Variants in SLC24A3 observed in about 807,000 individuals in gnomAD.
SLC24A3 encodes sodium/potassium/calcium exchanger 3.
A neutral mutation model predicts 75.8 loss-of-function variants in SLC24A3; 28 were observed. That is an observed-to-expected ratio of 0.37 (90% CI 0.27 to 0.51). The LOEUF is 0.51. Ranked by LOEUF, SLC24A3 falls within the 20% of genes least tolerant of loss-of-function variation. SLC24A3 has a pLI of 0.94. For missense variants in SLC24A3, 663 were observed against 847.8 expected (o/e 0.78, Z 2.71); for synonymous variants, 372 against 334.1 (o/e 1.11, Z -1.24).
chr20:19,436,901 G>T (rs1290153868), intron 2 of SLC24A3, among the ~76,000 whole-genome samples: 3 of 152,210 alleles, frequency 2.0e-5, no homozygotes, highest in Non-Finnish European at 4.4e-5. Context: ...GGGGATTGGG[G>T]TCACATCAGA....
intron 1 of SLC24A3, among the ~76,000 whole-genome samples, chr20:19,262,459 C>T (rs938344471): frequency 6.6e-6 from 1 of 151,180 alleles, no homozygotes; most frequent in African/African-American, 2.4e-5. Context: ...CAGTAGCTCT[C>T]TCTGATAAAG....
intron 8 of SLC24A3, among the ~76,000 whole-genome samples, chr20:19,669,929 C>G (rs866613454): frequency 2.2e-4 from 33 of 151,906 alleles, no homozygotes; most frequent in African/African-American, 8.0e-4. Context: ...AGATCAGCTA[C>G]AGAATGGGAT....
rs1308987495 is a variant in SLC24A3, at chr20:19,685,286, G to A, written c.1249G>A (p.Asp417Asn). ...AGNETENENE[D>N]NENDEEEEED... ...CAACGAAACAGAGAATGAAAATGAG[G>A]ACAATGAGAATGATGAGGAGGAAGA... is the stretch of plus-strand genomic sequence containing the variant. The change falls in exon 12 of 17, where the codon GAC becomes AAC. Residue 417 changes from aspartate to asparagine, a missense_variant. This residue lies in a region of SLC24A3 where 510 missense variants were observed against 703.6 expected (regional missense o/e 0.72). Coordinates refer to ENST00000328041, the MANE Select transcript of SLC24A3 (RefSeq NM_020689.4). The A allele has an allele frequency of 6.2e-7, 1 of 1,614,112 alleles. No homozygotes were observed. Among genetic ancestry groups the A allele is most frequent in the East Asian group, 2.2e-5 (1 of 44,866 alleles).
At chr20:19,441,280 C>T (rs1987294203) in intron 2 of SLC24A3, among the ~76,000 whole-genome samples, 1 of 152,116 alleles carries the variant, frequency 6.6e-6, no homozygotes, top group Admixed American at 6.5e-5. Context: ...CACCTAGGGG[C>T]CGGAAGTAAT....
intron 7 of SLC24A3, among the ~76,000 whole-genome samples, chr20:19,661,679 G>C (rs1332940182): frequency 6.6e-6 from 1 of 152,218 alleles, no homozygotes; most frequent in Non-Finnish European, 1.5e-5. Context: ...TGAAGTCTTA[G>C]CTTCAGCAAT....
At chr20:19,631,317 A>G (rs548457664) in intron 6 of SLC24A3, among the ~76,000 whole-genome samples, 10 of 152,262 alleles carry the variant, frequency 6.6e-5, no homozygotes, top group Non-Finnish European at 1.5e-4. Flanking sequence ...GCTGTGCTCC[A>G]GCCTGGGTGA....
chr20:19,590,229 A>G (rs1477987125), intron 6 of SLC24A3, among the ~76,000 whole-genome samples: 3 of 152,020 alleles, frequency 2.0e-5, no homozygotes, highest in Non-Finnish European at 4.4e-5. Flanking sequence ...AGTTTCTCTT[A>G]TACTCAGATG....
At chr20:19,618,238 T>C (rs2031762032) in intron 6 of SLC24A3, among the ~76,000 whole-genome samples, 1 of 152,206 alleles carries the variant, frequency 6.6e-6, no homozygotes, top group South Asian at 2.1e-4. Flanking sequence ...GTTAGTCTAC[T>C]TGGGCTGCCA....
chr20:19,636,713 C>T (rs1046227538), intron 6 of SLC24A3, among the ~76,000 whole-genome samples: 7 of 152,164 alleles, frequency 4.6e-5, no homozygotes, highest in Non-Finnish European at 8.8e-5. Context: ...GCAAAGAACA[C>T]TCACACTAGC....
chr20:19,574,044 T>G (rs1167462832), intron 3 of SLC24A3, among the ~76,000 whole-genome samples: 2 of 152,212 alleles, frequency 1.3e-5, no homozygotes, highest in Non-Finnish European at 2.9e-5. Flanking sequence ...TCTTAGACCC[T>G]TCCCACCAAG....
chr20:19,469,313 G>A (rs1057131077), intron 2 of SLC24A3, among the ~76,000 whole-genome samples: 2 of 152,132 alleles, frequency 1.3e-5, no homozygotes, highest in Middle Eastern at 3.2e-3. Context: ...ATGGTTTGGT[G>A]GCAGCAGTGG....
At chr20:19,679,501 C>T (rs951376827) in intron 9 of SLC24A3, among the ~76,000 whole-genome samples, 2 of 107,118 alleles carry the variant, frequency 1.9e-5, no homozygotes, top group African/African-American at 6.7e-5. Context: ...TGGAAAGAGA[C>T]GGAGAGGGAG....
intron 6 of SLC24A3, among the ~76,000 whole-genome samples, chr20:19,653,400 A>G (rs2032229368): frequency 6.6e-6 from 1 of 152,244 alleles, no homozygotes; most frequent in African/African-American, 2.4e-5. Context: ...CAATCTTTCA[A>G]AGATTCTGAT....
chr20:19,396,554 T>C (rs1183933792), intron 2 of SLC24A3, among the ~76,000 whole-genome samples: 2 of 152,220 alleles, frequency 1.3e-5, no homozygotes, highest in Non-Finnish European at 2.9e-5. Flanking sequence ...TCAGTGGCTA[T>C]CCTATTGAAT....
At chr20:19,638,637 C>A (rs1568681505) in intron 6 of SLC24A3, among the ~76,000 whole-genome samples, 1 of 152,106 alleles carries the variant, frequency 6.6e-6, no homozygotes, top group Non-Finnish European at 1.5e-5. Context: ...CTCATAAAGA[C>A]CTTGAGAGGG....
At chr20:19,702,600 G>C (rs2032886550) in intron 15 of SLC24A3, among the ~76,000 whole-genome samples, 1 of 145,010 alleles carries the variant, frequency 6.9e-6, no homozygotes, top group South Asian at 2.3e-4. Context: ...CCATCCAAAT[G>C]CTGCTGTTTC....
At chr20:19,649,850 C>A (rs1220617725) in intron 6 of SLC24A3, among the ~76,000 whole-genome samples, 1 of 152,186 alleles carries the variant, frequency 6.6e-6, no homozygotes, top group Non-Finnish European at 1.5e-5. Flanking sequence ...TATTACCAAC[C>A]TGGCTTAGTA....
intron 2 of SLC24A3, among the ~76,000 whole-genome samples, chr20:19,508,678 G>T (rs776624196): frequency 1.3e-5 from 2 of 152,184 alleles, no homozygotes; most frequent in African/African-American, 4.8e-5. Flanking sequence ...GAACAGCACC[G>T]CTTGCTTCTG....
intron 9 of SLC24A3, among the ~76,000 whole-genome samples, chr20:19,677,925 C>T (rs1404763645): frequency 4.6e-5 from 7 of 151,360 alleles, no homozygotes; most frequent in Non-Finnish European, 1.5e-5. Context: ...AGCATGCTGC[C>T]TTCAAGCATC....
Sources: gnomAD v4.1 joint callset for allele counts (sites outside exome capture counted in the v4.1 genomes callset) on GRCh38, gnomAD v4.1.1 for gene constraint, gnomAD v4.1.1 regional missense constraint, MANE v1.5 for transcripts, NCBI Gene and HGNC (gene_info 2026-07-23, HGNC 2026-07-21) for gene names.